Variants in DAB1 observed in about 807,000 individuals in gnomAD.
DAB1 encodes the protein DAB adaptor protein 1.
DAB1 carries 15 observed loss-of-function variants against 64.6 expected under a neutral mutation model. The observed-to-expected ratio is 0.23, with a 90% CI of 0.16 to 0.36. The LOEUF is 0.36. Among genes scored for constraint, DAB1 ranks in the 10% least tolerant of loss-of-function variants. The pLI is 1.00. For synonymous variants in DAB1, 235 were observed against 251.9 expected (o/e 0.93, Z 0.64); for missense variants, 596 against 706.7 (o/e 0.84, Z 1.78).
At chr1:57,561,623 C>G (rs997776246) in intron 7 of DAB1, among the ~76,000 whole-genome samples, 51 of 152,170 alleles carry the variant, frequency 3.4e-4, no homozygotes, top group African/African-American at 1.2e-3. Context: ...GATAGGATGA[C>G]CTGTTCTGTG....
At chr1:57,365,608 C>A (rs1393989855) in intron 1 of DAB1, among the ~76,000 whole-genome samples, 2 of 151,898 alleles carry the variant, frequency 1.3e-5, no homozygotes, top group East Asian at 3.9e-4. Context: ...CTTCAGTGTG[C>A]AGATGAGGTT....
intron 5 of DAB1, among the ~76,000 whole-genome samples, chr1:58,007,282 C>T (rs1646599082): frequency 6.6e-6 from 1 of 151,958 alleles, no homozygotes; most frequent in Non-Finnish European, 1.5e-5. Context: ...CAAAGAAAAC[C>T]AATTTAGTTT....
At chr1:58,488,889 G>A (rs976679943) in intron 3 of DAB1, among the ~76,000 whole-genome samples, 11 of 152,198 alleles carry the variant, frequency 7.2e-5, no homozygotes, top group African/African-American at 2.4e-4. Flanking sequence ...TTTATATTAT[G>A]TACAGATATT....
rs548977353 is a variant in DAB1 at position 58,071,363 on chromosome 1, GGTGT to G, written n.387+79144_387+79147del. On this transcript the variant is annotated intron_variant and non_coding_transcript_variant, in intron 5 of 20. Transcript: ENST00000485760. ...AACTCTACCTCCATCAAAGGAGAATGGTGTGTGTGTGTGTGTGTGTGTGTGTGTG... is the reference window on the plus strand; with the variant it reads ...AACTCTACCTCCATCAAAGGAGAATGGTGTGTGTGTGTGTGTGTGTGTGTG... Among the ~76,000 whole-genome samples the G allele has an allele frequency of 7.1e-3, 969 of 135,628 alleles. 7 individuals carry two copies. Among genetic ancestry groups the G allele is most frequent in the South Asian group, 0.011 (43 of 3,750 alleles). The allele number at this position is 135,628 out of a possible 152,430, so 89.0% of individuals were successfully genotyped here. A position where few individuals can be genotyped will look rare whatever the true frequency, so the allele number is the denominator to read the frequency against.
rs377523472 is a variant in DAB1, at chr1:57,371,659, T to C, written c.-137+52271A>G. On this transcript the variant is annotated intron_variant, in intron 1 of 14. Transcript: ENST00000371236. Reference sequence around the variant, plus strand: ...CTCAGGACTCACTCTACAGGGGAAGTCAATATAGGAACAAGTATTTGTAGT... The same window carrying C: ...CTCAGGACTCACTCTACAGGGGAAGCCAATATAGGAACAAGTATTTGTAGT... Among the ~76,000 whole-genome samples the C allele has an allele frequency of 1.6e-4, 24 of 152,254 alleles. No individual in the cohort carries two copies. In the East Asian group the frequency reaches 3.9e-3, roughly 25 times the overall value.
chr1:57,357,357 C>T (rs551854381), intron 1 of DAB1, among the ~76,000 whole-genome samples: 16 of 152,072 alleles, frequency 1.1e-4, no homozygotes, highest in African/African-American at 3.4e-4. Context: ...AATTTCTTCA[C>T]CTGTAAAACT....
chr1:57,010,333 G>A (rs751348535), intron 14 of DAB1, among the ~76,000 whole-genome samples: 1 of 152,054 alleles, frequency 6.6e-6, no homozygotes, highest in Non-Finnish European at 1.5e-5. Flanking sequence ...CAACCACGCA[G>A]AACATATTAT....
intron 1 of DAB1, among the ~76,000 whole-genome samples, chr1:57,298,763 G>A (rs999617792): frequency 6.6e-6 from 1 of 152,196 alleles, no homozygotes; most frequent in African/African-American, 2.4e-5. Flanking sequence ...AAATGAAGAT[G>A]AGGGCAGAAG....
At chr1:57,067,292 T>G (rs771313767) in intron 8 of DAB1, among the ~76,000 whole-genome samples, 4 of 152,068 alleles carry the variant, frequency 2.6e-5, no homozygotes, top group Non-Finnish European at 4.4e-5. Flanking sequence ...AGAATCGAAT[T>G]GTGAAACTCA....
At chr1:57,085,432 G>C (rs189627118) in intron 4 of DAB1, among the ~76,000 whole-genome samples, 1 of 152,170 alleles carries the variant, frequency 6.6e-6, no homozygotes. Flanking sequence ...ATCAAATACT[G>C]CCCGCTACTG....
At chr1:58,361,863 C>CTTTTTTTTTTTTT (rs34029239) in intron 3 of DAB1, among the ~76,000 whole-genome samples, 1 of 84,022 alleles carries the variant, frequency 1.2e-5, no homozygotes, top group Non-Finnish European at 2.1e-5. Flanking sequence ...AAAGATCCCC[C>CTTTTTTTTTTTTT]TTTTTTTTTT....
chr1:57,622,670 C>T lies in DAB1; in HGVS notation n.625+26922G>A, dbSNP rs150913596. ...CAGCTATGGTATGGTAGATTCTAGA[C>T]TTGAGCTAGGGCTAGCTTAATTCCA... On this transcript the variant is annotated intron_variant and non_coding_transcript_variant, in intron 7 of 20. Transcript: ENST00000485760. Among the ~76,000 whole-genome samples the T allele has an allele frequency of 4.8e-3, 729 of 152,286 alleles. 4 individuals are homozygous for T. The highest frequency in any genetic ancestry group is 8.2e-3 in the Non-Finnish European group (559 of 68,006).
intron 6 of DAB1, among the ~76,000 whole-genome samples, chr1:57,783,658 C>T (rs542552714): frequency 4.3e-4 from 66 of 152,206 alleles, no homozygotes; most frequent in Non-Finnish European, 9.0e-4. Context: ...TCTATCAGTG[C>T]CATTTTTTCA....
chr1:57,137,299 C>T (rs1362458248), intron 3 of DAB1, among the ~76,000 whole-genome samples: 1 of 152,154 alleles, frequency 6.6e-6, no homozygotes, highest in African/African-American at 2.4e-5. Flanking sequence ...GAAGATATGT[C>T]TATGAGTTAG....
intron 7 of DAB1, among the ~76,000 whole-genome samples, chr1:57,535,431 G>T (rs1644714418): frequency 6.7e-6 from 1 of 149,292 alleles, no homozygotes; most frequent in Non-Finnish European, 1.5e-5. Context: ...AGAATCTATT[G>T]TCTTAATAGG....
At position 57,188,858 on chromosome 1, in the gene DAB1, C is replaced by T. The variant is rs777406937; in HGVS notation, c.68-43429G>A. On this transcript the variant is annotated intron_variant, in intron 2 of 14. Transcript: ENST00000371236. ...TGTTGCATCTTTACTGTGTACCAGG[C>T]ACGTTACTAAAATAGATCATCTTAA... Among the ~76,000 whole-genome samples the T allele has an allele frequency of 1.9e-4, 29 of 152,196 alleles. 1 individual carries two copies. The highest frequency in any genetic ancestry group is 3.5e-4 in the Non-Finnish European group (24 of 68,042).
intron 2 of DAB1, among the ~76,000 whole-genome samples, chr1:57,177,440 G>GA (rs1259901116): frequency 6.6e-6 from 1 of 151,880 alleles, no homozygotes; most frequent in Non-Finnish European, 1.5e-5. Context: ...AGGGTAGAGG[G>GA]AAAAAAAGAT....
intron 4 of DAB1, among the ~76,000 whole-genome samples, chr1:58,211,222 C>T (rs555509597): frequency 5.3e-4 from 80 of 152,214 alleles, no homozygotes; most frequent in African/African-American, 1.9e-3. Context: ...AGAAATATCT[C>T]CACTGTCTGA....
chr1:58,328,416 C>T (rs558215344), intron 4 of DAB1, among the ~76,000 whole-genome samples: 4 of 152,334 alleles, frequency 2.6e-5, no homozygotes, highest in Middle Eastern at 3.4e-3. Flanking sequence ...TCCCATGAAT[C>T]CTCTCCAGCA....
Sources: allele counts gnomAD v4.1 joint callset (sites outside exome capture counted in the v4.1 genomes callset), GRCh38; gene constraint gnomAD v4.1.1; transcripts MANE v1.5; gene names NCBI Gene and HGNC (gene_info 2026-07-23, HGNC 2026-07-21).